The following ATP13A4 variants were observed in gnomAD, a reference collection of about 807,000 sequenced individuals.
ATP13A4 encodes the protein ATPase 13A4.
A neutral mutation model predicts 142.5 loss-of-function variants in ATP13A4; 114 were observed. The ratio of observed to expected loss-of-function variants is 0.80; its 90% CI spans 0.69 to 0.93. ATP13A4 has a LOEUF of 0.93. ATP13A4 is among the 40% of genes least tolerant of loss of function. ATP13A4 has a pLI of 0.00. For missense variants in ATP13A4, 1,392 were observed against 1,454.0 expected (o/e 0.96, Z 0.69); for synonymous variants, 488 against 514.8 (o/e 0.95, Z 0.70).
At chr3:193,405,904 T>C (rs1308517750) in intron 29 of ATP13A4, among the ~76,000 whole-genome samples, 2 of 152,094 alleles carry the variant, frequency 1.3e-5, no homozygotes, top group African/African-American at 4.8e-5. Context: ...GGATAAGATG[T>C]ATACACTAGA....
chr3:193,459,034 C>T (rs780914004), intron 14 of ATP13A4, 47 bp downstream of exon 14: 242 of 1,609,426 alleles, frequency 1.5e-4, no homozygotes, highest in Non-Finnish European at 1.2e-4. Context: ...CTATGTTGCT[C>T]TGGCATTGAA....
intron 2 of ATP13A4, among the ~76,000 whole-genome samples, chr3:193,566,077 A>G (rs539258364): frequency 1.3e-5 from 2 of 152,158 alleles, no homozygotes; most frequent in East Asian, 3.9e-4. Flanking sequence ...CAAGTCCTCA[A>G]CTCACGAACC....
chr3:193,553,412 G>A (rs918798469), intron 1 of ATP13A4: 70 of 152,266 alleles, frequency 4.6e-4, no homozygotes, highest in African/African-American at 1.6e-3. Flanking sequence ...ATTTCTAAAT[G>A]AGAGAGAAAA....
At chr3:193,468,961 C>G (rs961328772) in intron 9 of ATP13A4, among the ~76,000 whole-genome samples, 2 of 152,130 alleles carry the variant, frequency 1.3e-5, no homozygotes, top group South Asian at 4.1e-4. Flanking sequence ...GTAGAAATAC[C>G]ATGTTGAGAA....
At chr3:193,410,960 A>G in intron 28 of ATP13A4, 22 bp downstream of exon 28, 1 of 1,435,988 alleles carries the variant, frequency 7.0e-7, no homozygotes, top group Non-Finnish European at 9.8e-7. Context: ...AAGCATCATC[A>G]TATCCCAAAG....
intron 7 of ATP13A4, among the ~76,000 whole-genome samples, chr3:193,487,568 G>A (rs1719702024): frequency 6.6e-6 from 1 of 152,072 alleles, no homozygotes; most frequent in South Asian, 2.1e-4. Flanking sequence ...TGCCACTTCA[G>A]CCTCCCAAAA....
chr3:193,544,496 C>T (rs1386484431), intron 1 of ATP13A4, among the ~76,000 whole-genome samples: 5 of 152,164 alleles, frequency 3.3e-5, no homozygotes, highest in African/African-American at 1.2e-4. Context: ...TCTACCTCTA[C>T]TACAAGCCTA....
chr3:193,412,459 G>A, intron 26 of ATP13A4, 88 bp from the exon 27 acceptor site: 1 of 1,235,504 alleles, frequency 8.1e-7, no homozygotes, highest in South Asian at 1.2e-5. Flanking sequence ...ACCAAACAGT[G>A]TCCAGAGCAG....
intron 25 of ATP13A4, among the ~76,000 whole-genome samples, chr3:193,426,627 C>T (rs888556965): frequency 4.7e-4 from 71 of 151,972 alleles, no homozygotes; most frequent in African/African-American, 1.6e-3. Context: ...CAAACCAGTT[C>T]GGTGCTAACA....
upstream of ATP13A4, among the ~76,000 whole-genome samples, chr3:193,555,668 A>G (rs533351167): frequency 6.6e-6 from 1 of 152,382 alleles, no homozygotes; most frequent in South Asian, 2.1e-4. Context: ...AAAAAAGTTA[A>G]GTCATATTTG....
At chr3:193,584,406 T>A (rs964925582) in intron 1 of ATP13A4, among the ~76,000 whole-genome samples, 10 of 152,226 alleles carry the variant, frequency 6.6e-5, no homozygotes, top group Non-Finnish European at 1.2e-4. Context: ...ATTTCTTATT[T>A]CTGACCTTCA....
At chr3:193,437,825 ATTTTTTTTTTT>A (rs372139378) in intron 23 of ATP13A4, among the ~76,000 whole-genome samples, 7 of 102,990 alleles carry the variant, frequency 6.8e-5, no homozygotes, top group African/African-American at 1.9e-4. Flanking sequence ...GCCAATAAAG[ATTTTTTTTTTT>A]TTTTTTTTTT....
At chr3:193,440,444 C>G in intron 21 of ATP13A4, 114 bp downstream of exon 21, 15 of 1,552,676 alleles carry the variant, frequency 9.7e-6, no homozygotes, top group Non-Finnish European at 1.3e-5. Context: ...CTCATGCAGC[C>G]GAAGTACGGA....
chr3:193,404,265 A>T (rs1714384954), intron 29 of ATP13A4: 1 of 465,458 alleles, frequency 2.1e-6, no homozygotes, highest in African/African-American at 2.2e-5. Context: ...AACCACACAC[A>T]CACACACACA....
chr3:193,518,600 T>C (rs1432158681), intron 1 of ATP13A4, among the ~76,000 whole-genome samples: 1 of 152,184 alleles, frequency 6.6e-6, no homozygotes, highest in African/African-American at 2.4e-5. Flanking sequence ...CAGCACATTA[T>C]TATAAAGAAC....
chr3:193,484,676 C>G (rs144805658), intron 7 of ATP13A4, among the ~76,000 whole-genome samples: 8 of 152,192 alleles, frequency 5.3e-5, no homozygotes, highest in Admixed American at 1.3e-4. Flanking sequence ...GTCAAAAAGA[C>G]AGGGTGTTCT....
rs374031200 is a variant in ATP13A4, at chr3:193,464,924, G to C, written c.1461+16C>G. 4.3e-6 allele frequency: 7 copies of C among 1,610,178 alleles called. No homozygotes were observed. In the African/African-American group the frequency reaches 9.4e-5, roughly 22 times the overall value. On this transcript the variant is annotated intron_variant, in intron 12 of 29. Coordinates refer to ENST00000342695, the MANE Select transcript of ATP13A4 (RefSeq NM_032279.4). ...TGGTAAAAATGATGATAAGAATAAG[G>C]ATGAAACACACATACCTTGTCAAAG...
intron 2 of ATP13A4, among the ~76,000 whole-genome samples, chr3:193,567,093 T>C (rs1161913227): frequency 1.3e-5 from 2 of 152,142 alleles, no homozygotes; most frequent in Non-Finnish European, 2.9e-5. Flanking sequence ...ATTGTTCAAA[T>C]TGAATTATGT....
intron 2 of ATP13A4, among the ~76,000 whole-genome samples, chr3:193,565,131 T>A: frequency 6.6e-6 from 1 of 151,996 alleles, no homozygotes; most frequent in Non-Finnish European, 1.5e-5. Context: ...TGTTAATGAG[T>A]TTGAATCATC....
Sources: gnomAD v4.1 joint callset for allele counts (sites outside exome capture counted in the v4.1 genomes callset) on GRCh38, gnomAD v4.1.1 for gene constraint, MANE v1.5 for transcripts, NCBI Gene and HGNC (gene_info 2026-07-23, HGNC 2026-07-21) for gene names.